Variants in PPP2R5E observed in about 807,000 individuals in gnomAD.
PPP2R5E encodes the protein protein phosphatase 2 regulatory subunit B'epsilon, also known as serine/threonine-protein phosphatase 2A 56 kDa regulatory subunit epsilon isoform.
Under a neutral mutation model 65.3 loss-of-function variants are expected in PPP2R5E, and 4 were observed. The observed-to-expected ratio is 0.06, with a 90% CI of 0.03 to 0.14. The LOEUF (loss-of-function observed/expected upper bound fraction) is 0.14, where lower values mean the gene tolerates loss of function less well. Ranked by LOEUF, PPP2R5E falls within the 10% of genes least tolerant of loss-of-function variation. The pLI, the probability that PPP2R5E is intolerant of heterozygous loss-of-function variation, is 1.00. For synonymous variants in PPP2R5E, 183 were observed against 187.4 expected (o/e 0.98, Z 0.19); for missense variants, 274 against 556.1 (o/e 0.49, Z 5.10).
At chr14:63,432,824 C>T (rs990579915) in intron 3 of PPP2R5E, among the ~76,000 whole-genome samples, 8 of 152,098 alleles carry the variant, frequency 5.3e-5, no homozygotes, top group Non-Finnish European at 8.8e-5. Flanking sequence ...ACAACCTAAA[C>T]GTTCATCAAA....
chr14:63,382,981 G>A (rs185119123), intron 12 of PPP2R5E, among the ~76,000 whole-genome samples: 207 of 152,218 alleles, frequency 1.4e-3, no homozygotes, highest in African/African-American at 4.6e-3. Flanking sequence ...CCCTCATGTA[G>A]GTTGGGTGGT....
At chr14:63,430,205 G>C (rs1182141758) in intron 3 of PPP2R5E, among the ~76,000 whole-genome samples, 1 of 151,938 alleles carries the variant, frequency 6.6e-6, no homozygotes, top group East Asian at 1.9e-4. Context: ...AAACAGATTA[G>C]AATTTATATT....
At chr14:63,470,973 T>C (rs1010654815) in intron 2 of PPP2R5E, among the ~76,000 whole-genome samples, 2 of 152,192 alleles carry the variant, frequency 1.3e-5, no homozygotes, top group Non-Finnish European at 2.9e-5. Flanking sequence ...AGCCATTTTT[T>C]ACCCCACCCT....
intron 5 of PPP2R5E, among the ~76,000 whole-genome samples, chr14:63,400,675 G>A (rs1885698761): frequency 1.2e-5 from 1 of 82,252 alleles, no homozygotes; most frequent in East Asian, 3.5e-4. Flanking sequence ...ATCTAGGAAA[G>A]AAAGGCATGT....
intron 3 of PPP2R5E, chr14:63,451,533 A>C (rs1339946318): frequency 2.6e-5 from 4 of 152,322 alleles, no homozygotes; most frequent in African/African-American, 7.2e-5. Flanking sequence ...CAGTAAAAAG[A>C]TCAGTGGTTG....
At chr14:63,400,325 A>T (rs1212702638) in intron 5 of PPP2R5E, among the ~76,000 whole-genome samples, 1 of 152,226 alleles carries the variant, frequency 6.6e-6, no homozygotes, top group African/African-American at 2.4e-5. Context: ...TACACAGCAG[A>T]CACATCTACT....
intron 2 of PPP2R5E, among the ~76,000 whole-genome samples, chr14:63,490,648 T>C (rs1891238879): frequency 6.6e-6 from 1 of 152,040 alleles, no homozygotes; most frequent in African/African-American, 2.4e-5. Flanking sequence ...TCACTATCAC[T>C]AATCATCAGG....
At chr14:63,507,241 G>A (rs530234887) in intron 2 of PPP2R5E, among the ~76,000 whole-genome samples, 18 of 152,178 alleles carry the variant, frequency 1.2e-4, no homozygotes, top group Admixed American at 4.6e-4. Context: ...AGGATATGGG[G>A]CCTTAAAGGC....
In PPP2R5E at chr14:63,372,107, G is replaced by T. The variant is rs563279705; in HGVS notation, c.*3902C>A. On this transcript the variant is annotated 3_prime_UTR_variant, in exon 14 of 14. Coordinates refer to ENST00000337537, the MANE Select transcript of PPP2R5E (RefSeq NM_006246.5). ...AGAGAGAAAAAAAAAAGAGAAAGGT[G>T]GGGGAAGGAGGGAGGGAAGGAAGAA... The T allele has an allele frequency of 6.6e-6, 1 of 151,832 alleles. No individual in the cohort carries two copies. Among genetic ancestry groups the T allele is most frequent in the Non-Finnish European group, 1.5e-5 (1 of 67,914 alleles). The allele number at this position is 151,832 out of a possible 1,614,324, so 9.4% of individuals were successfully genotyped here.
chr14:63,486,293 T>TACACAC (rs374427574), intron 2 of PPP2R5E, among the ~76,000 whole-genome samples: 3,278 of 127,982 alleles, frequency 0.026, 97 homozygotes, highest in African/African-American at 0.073. Context: ...CTTTCCCCAT[T>TACACAC]ACACACACAC....
chr14:63,524,992 G>T (rs568540474), intron 2 of PPP2R5E, among the ~76,000 whole-genome samples: 28 of 152,330 alleles, frequency 1.8e-4, no homozygotes, highest in African/African-American at 6.7e-4. Flanking sequence ...CCACAACAAG[G>T]AAGTTACCAG....
intron 3 of PPP2R5E, among the ~76,000 whole-genome samples, chr14:63,443,911 TC>T (rs1305868987): frequency 6.6e-6 from 1 of 152,190 alleles, no homozygotes; most frequent in African/African-American, 2.4e-5. Flanking sequence ...CTTCTCTACT[TC>T]CATGCCTGCA....
chr14:63,527,453 A>G (rs1893225261), intron 2 of PPP2R5E, among the ~76,000 whole-genome samples: 1 of 152,244 alleles, frequency 6.6e-6, no homozygotes, highest in African/African-American at 2.4e-5. Context: ...AAAATCAACT[A>G]AAAGACGTTA....
intron 5 of PPP2R5E, among the ~76,000 whole-genome samples, chr14:63,405,579 A>G (rs1184160132): frequency 1.3e-5 from 2 of 152,230 alleles, no homozygotes; most frequent in African/African-American, 4.8e-5. Flanking sequence ...GGGATACTTG[A>G]ATAGTATGTC....
rs186204243 is a variant in PPP2R5E at position 63,538,821 on chromosome 14, T to G, written c.157+708A>C. 6.4e-3 allele frequency among the ~76,000 whole-genome samples: 971 copies of G among 151,904 alleles called. 7 individuals are homozygous for G. The highest frequency in any genetic ancestry group is 0.021 in the African/African-American group (885 of 41,450). On this transcript the variant is annotated intron_variant, in intron 2 of 13. Transcript: ENST00000337537. The stretch of plus-strand genomic sequence containing the variant: ...TTAGCTGGGCATGGTGGCGGGCACC[T>G]GTGCTCCCAGCTACTCGGGAAGCTG...
intron 2 of PPP2R5E, among the ~76,000 whole-genome samples, chr14:63,516,139 A>G (rs950345473): frequency 2.6e-5 from 4 of 152,114 alleles, no homozygotes; most frequent in Non-Finnish European, 5.9e-5. Flanking sequence ...ATGAGCCACC[A>G]CACCCGGCAT....
At chr14:63,415,921 C>T (rs912272762) in intron 4 of PPP2R5E, among the ~76,000 whole-genome samples, 2 of 152,138 alleles carry the variant, frequency 1.3e-5, no homozygotes, top group African/African-American at 4.8e-5. Context: ...TGCTAGATCA[C>T]AAGATATCCA....
intron 5 of PPP2R5E, among the ~76,000 whole-genome samples, chr14:63,397,483 T>C (rs1218216770): frequency 9.6e-5 from 10 of 104,566 alleles, no homozygotes; most frequent in Non-Finnish European, 1.4e-4. Context: ...GCCTGGGCCA[T>C]AGAGCAAGAT....
intron 13 of PPP2R5E, among the ~76,000 whole-genome samples, chr14:63,379,889 C>G (rs1353237187): frequency 8.2e-6 from 1 of 121,312 alleles, no homozygotes; most frequent in Non-Finnish European, 1.6e-5. Flanking sequence ...AGCTGGAGTA[C>G]AGTGGCATGA....
Sources: gnomAD v4.1 joint callset for allele counts (sites outside exome capture counted in the v4.1 genomes callset) on GRCh38, gnomAD v4.1.1 for gene constraint, MANE v1.5 for transcripts, NCBI Gene and HGNC (gene_info 2026-07-23, HGNC 2026-07-21) for gene names.